Variants in WDR27 observed in about 807,000 individuals in gnomAD.
WDR27 encodes WD repeat-containing protein 27.
Under a neutral mutation model 114.4 loss-of-function variants are expected in WDR27, and 100 were observed. That is an observed-to-expected ratio of 0.87 (90% CI 0.74 to 1.03). WDR27 has a LOEUF of 1.03. Ranked by LOEUF, WDR27 falls within the 50% of genes least tolerant of loss-of-function variation. The probability of loss-of-function intolerance (pLI) is 0.00; values close to 1 mark genes in which losing one functional copy is unlikely to be tolerated. For missense variants in WDR27, 1,129 were observed against 1,092.9 expected (o/e 1.03, Z -0.47); for synonymous variants, 449 against 423.1 (o/e 1.06, Z -0.75).
chr6:169,596,646 G>T (rs1005560993), intron 23 of WDR27, among the ~76,000 whole-genome samples: 4 of 151,896 alleles, frequency 2.6e-5, no homozygotes, highest in Non-Finnish European at 5.9e-5. Flanking sequence ...GTGATATCTA[G>T]AAGTTGTATG....
chr6:169,591,533 C>CTT (rs1805737695), intron 23 of WDR27, among the ~76,000 whole-genome samples: 1 of 152,232 alleles, frequency 6.6e-6, no homozygotes, highest in Admixed American at 6.5e-5. Context: ...AGACACACTT[C>CTT]TGACTAAGGG....
At chr6:169,478,065 G>A (rs1174953369) in intron 25 of WDR27, among the ~76,000 whole-genome samples, 1 of 151,890 alleles carries the variant, frequency 6.6e-6, no homozygotes, top group Non-Finnish European at 1.5e-5. Context: ...ATGACTTCCT[G>A]AAAAAACAAG....
At chr6:169,524,087 T>C (rs1473022653) in intron 25 of WDR27, among the ~76,000 whole-genome samples, 2 of 152,134 alleles carry the variant, frequency 1.3e-5, no homozygotes, top group Non-Finnish European at 2.9e-5. Context: ...GTCAGTAAAG[T>C]TGCAGGATAC....
chr6:169,445,056 T>C, the WDR27 span, among the ~76,000 whole-genome samples: 1 of 152,214 alleles, frequency 6.6e-6, no homozygotes. Flanking sequence ...GTCCAGTCCT[T>C]ATCAACTTCA....
At chr6:169,470,347 AAC>A (rs953959747) in intron 25 of WDR27, among the ~76,000 whole-genome samples, 7 of 152,244 alleles carry the variant, frequency 4.6e-5, no homozygotes, top group Admixed American at 3.9e-4. Context: ...TGCACATCAC[AAC>A]TCCCCCAGAC....
At chr6:169,665,799 G>A (rs6912767) in intron 6 of WDR27, among the ~76,000 whole-genome samples, 36,075 of 152,046 alleles carry the variant, frequency 0.24, 6,350 homozygotes, top group African/African-American at 0.49. Flanking sequence ...GCTGCCCGGT[G>A]AGTCCACCAC....
At chr6:169,620,912 G>A (rs1329753561) in intron 21 of WDR27, among the ~76,000 whole-genome samples, 3 of 152,130 alleles carry the variant, frequency 2.0e-5, no homozygotes, top group African/African-American at 7.2e-5. Flanking sequence ...ACATAGACCT[G>A]GCACCCTTCC....
chr6:169,640,873 C>T (rs1343462399), intron 17 of WDR27, among the ~76,000 whole-genome samples: 2 of 152,356 alleles, frequency 1.3e-5, no homozygotes, highest in East Asian at 3.9e-4. Context: ...GAAGTCACTG[C>T]TACCCATGCT....
chr6:169,667,975 C>G lies in WDR27; in HGVS notation c.660+7G>C. On this transcript the variant is annotated splice_region_variant and intron_variant, in intron 5 of 25. Coordinates refer to ENST00000448612, the MANE Select transcript of WDR27 (RefSeq NM_182552.5). ...CGCGGGAACGCCATCCAGCGTCCAT[C>G]CCTCACCTTAAAGCCTCTGTCCTCA... The G allele has an allele frequency of 1.2e-6, 2 of 1,610,964 alleles. No homozygotes were observed. The highest frequency in any genetic ancestry group is 1.7e-6 in the Non-Finnish European group (2 of 1,178,688).
At chr6:169,445,360 T>G in the WDR27 span, among the ~76,000 whole-genome samples, 1 of 152,018 alleles carries the variant, frequency 6.6e-6, no homozygotes, top group African/African-American at 2.4e-5. Context: ...CCACCGCAGG[T>G]CATGATCATG....
In WDR27 at chr6:169,496,321, G is replaced by GA. The variant is rs556077310; in HGVS notation, c.2646-38688dup. On this transcript the variant is annotated intron_variant, in intron 25 of 25. Coordinates refer to ENST00000448612, the MANE Select transcript of WDR27 (RefSeq NM_182552.5). ...CCTCAACACAAGAAAAGCCATATAT[G>GA]AAAAACACAGAGCAAACATCTTATT... Among the ~76,000 whole-genome samples, 20 of 152,150 alleles carry GA rather than the reference G, an allele frequency of 1.3e-4. No individual in the cohort carries two copies. In the South Asian group the frequency reaches 2.5e-3, roughly 19 times the overall value.
intron 23 of WDR27, among the ~76,000 whole-genome samples, chr6:169,583,300 G>GAA (rs1562629366): frequency 3.5e-5 from 2 of 56,820 alleles, no homozygotes; most frequent in South Asian, 3.8e-4. Context: ...CAAATTGAAT[G>GAA]GAAAAAAAAA....
chr6:169,667,821 C>T (rs1379685101), intron 5 of WDR27, among the ~76,000 whole-genome samples, 161 bp downstream of exon 5: 2 of 152,268 alleles, frequency 1.3e-5, no homozygotes, highest in Non-Finnish European at 2.9e-5. Flanking sequence ...CCGGGCTTGG[C>T]GTTTCTGTGG....
Position 169,633,993 on chromosome 6 carries a change from C to T in WDR27, c.2101+435G>A, listed in dbSNP as rs140520294. On this transcript the variant is annotated intron_variant, in intron 20 of 25. Coordinates refer to ENST00000448612, the MANE Select transcript of WDR27 (RefSeq NM_182552.5). ...GCTTTTCCCCTAAATAAATTAAAAT[C>T]AACTTTGAAAATTAAAAGCAATGGT... is the stretch of plus-strand genomic sequence containing the variant. Among the ~76,000 whole-genome samples, 10 of 152,180 alleles carry T rather than the reference C, an allele frequency of 6.6e-5. No individual in the cohort carries two copies. The East Asian group carries it at 1.9e-3, about 29-fold the overall frequency.
chr6:169,604,466 T>C lies in WDR27; in HGVS notation c.2322-2145A>G, dbSNP rs577069993. ...AAAGACTGAATCAAGAAAAAAAGTC[T>C]CCCAACAAAGAAAAGCCCAGGACCA... On this transcript the variant is annotated intron_variant, in intron 22 of 25. Transcript: ENST00000448612. Among the ~76,000 whole-genome samples the C allele has an allele frequency of 2.0e-5, 3 of 151,962 alleles. No homozygotes were observed. The South Asian group carries it at 6.3e-4, about 32-fold the overall frequency.
intron 21 of WDR27, among the ~76,000 whole-genome samples, 181 bp from the exon 22 acceptor site, chr6:169,613,837 A>G (rs1471023447): frequency 1.3e-5 from 2 of 152,244 alleles, no homozygotes; most frequent in Non-Finnish European, 2.9e-5. Flanking sequence ...TAATGAGGGT[A>G]TATTTTGACC....
chr6:169,615,132 A>T (rs537875570), intron 21 of WDR27, among the ~76,000 whole-genome samples: 7 of 152,362 alleles, frequency 4.6e-5, no homozygotes, highest in South Asian at 2.1e-4. Context: ...AATGATATCA[A>T]ATATATGAAT....
At chr6:169,633,462 C>T (rs1282056469) in intron 20 of WDR27, among the ~76,000 whole-genome samples, 1 of 152,208 alleles carries the variant, frequency 6.6e-6, no homozygotes, top group African/African-American at 2.4e-5. Flanking sequence ...GACAGATCCA[C>T]AGAATGGGTG....
downstream of WDR27, among the ~76,000 whole-genome samples, chr6:169,452,629 C>T (rs1371622337): frequency 6.6e-6 from 1 of 152,046 alleles, no homozygotes; most frequent in African/African-American, 2.4e-5. Context: ...ATGGCAGCCG[C>T]AGGAGGAGGG....
Sources: gnomAD v4.1 joint callset for allele counts (sites outside exome capture counted in the v4.1 genomes callset) on GRCh38, gnomAD v4.1.1 for gene constraint, MANE v1.5 for transcripts, NCBI Gene and HGNC (gene_info 2026-07-23, HGNC 2026-07-21) for gene names.